The following FGGY variants were observed in gnomAD, a reference collection of about 807,000 sequenced individuals.
FGGY encodes FGGY carbohydrate kinase domain containing, also known as FGGY carbohydrate kinase domain-containing protein.
A neutral mutation model predicts 71.3 loss-of-function variants in FGGY; 72 were observed. The ratio of observed to expected loss-of-function variants is 1.01; its 90% CI spans 0.84 to 1.23. The LOEUF (loss-of-function observed/expected upper bound fraction) is 1.23. Ranked by LOEUF, FGGY falls within the 50% of genes most tolerant of loss-of-function variation. The pLI is 0.00. For synonymous variants in FGGY, 251 were observed against 250.3 expected (o/e 1.00, Z -0.02); for missense variants, 668 against 682.3 (o/e 0.98, Z 0.23).
rs547189453 is a variant in FGGY, at chr1:59,673,431, G to A, written c.1418-608G>A. Among the ~76,000 whole-genome samples the A allele has an allele frequency of 3.9e-5, 6 of 152,284 alleles. No homozygotes were observed. In the East Asian group the frequency reaches 1.2e-3, roughly 29 times the overall value. On this transcript the variant is annotated intron_variant, in intron 13 of 15. Transcript: ENST00000303721. ...GAGGCCAGGACTACGTGGCTGGAAG[G>A]AGAAGAGGAGGATATCAGAGAGGGA... is the stretch of plus-strand genomic sequence containing the variant.
intron 5 of FGGY, among the ~76,000 whole-genome samples, chr1:59,382,145 T>C (rs1408294414): frequency 6.6e-6 from 1 of 152,178 alleles, no homozygotes; most frequent in Non-Finnish European, 1.5e-5. Flanking sequence ...AGGCAGGTAT[T>C]GTATCTTAAA....
In FGGY at chr1:59,358,797, A is replaced by G. The variant is rs573442562; in HGVS notation, c.465+12399A>G. Reference sequence around the variant, plus strand: ...TTTATTGCTATCTACATACATGGCCAACACCTGTACTAGACTTTATTAAAT... The same window carrying G: ...TTTATTGCTATCTACATACATGGCCGACACCTGTACTAGACTTTATTAAAT... On this transcript the variant is annotated intron_variant, in intron 4 of 15. Coordinates refer to ENST00000303721, the MANE Select transcript of FGGY (RefSeq NM_018291.5). Among the ~76,000 whole-genome samples the G allele has an allele frequency of 8.5e-5, 13 of 152,392 alleles. No homozygotes were observed. The South Asian group carries it at 2.7e-3, about 32-fold the overall frequency.
At chr1:59,569,503 G>A (rs558423459) in intron 8 of FGGY, among the ~76,000 whole-genome samples, 3 of 152,284 alleles carry the variant, frequency 2.0e-5, no homozygotes, top group South Asian at 4.1e-4. Context: ...AGAACTGGGT[G>A]CAGTTTTGAG....
intron 10 of FGGY, 59 bp from the exon 11 acceptor site, chr1:59,638,169 G>C: frequency 6.5e-7 from 1 of 1,535,368 alleles, no homozygotes; most frequent in East Asian, 2.3e-5. Context: ...TCTTTCTATA[G>C]AATGATTTGC....
intron 5 of FGGY, among the ~76,000 whole-genome samples, chr1:59,425,607 C>G (rs537206864): frequency 6.6e-6 from 1 of 152,298 alleles, no homozygotes; most frequent in Admixed American, 6.5e-5. Flanking sequence ...TGCCTGTGTT[C>G]CTATAGACAT....
chr1:59,639,506 C>T (rs2096997271), intron 11 of FGGY, among the ~76,000 whole-genome samples: 1 of 152,040 alleles, frequency 6.6e-6, no homozygotes, highest in African/African-American at 2.4e-5. Context: ...AGAATAATGT[C>T]CAGAGAGGGC....
At chr1:59,461,739 C>T (rs2092238208) in intron 6 of FGGY, among the ~76,000 whole-genome samples, 1 of 152,104 alleles carries the variant, frequency 6.6e-6, no homozygotes, top group Non-Finnish European at 1.5e-5. Context: ...CTCTACCAGC[C>T]AGAAGAGAGT....
At chr1:59,414,511 C>T (rs920503571) in intron 5 of FGGY, among the ~76,000 whole-genome samples, 2 of 152,198 alleles carry the variant, frequency 1.3e-5, no homozygotes, top group African/African-American at 4.8e-5. Flanking sequence ...GGAGTTCATC[C>T]AGAACCCTCT....
chr1:59,712,458 G>C (rs900690809), intron 14 of FGGY, among the ~76,000 whole-genome samples: 1 of 152,212 alleles, frequency 6.6e-6, no homozygotes, highest in African/African-American at 2.4e-5. Flanking sequence ...GAGACTCTGT[G>C]TTAAGGCTCT....
intron 7 of FGGY, among the ~76,000 whole-genome samples, chr1:59,521,036 T>TTGG (rs1553260233): frequency 7.7e-6 from 1 of 130,672 alleles, no homozygotes; most frequent in African/African-American, 2.9e-5. Context: ...AAATTGGGGG[T>TTGG]GGGGGGGGAT....
intron 8 of FGGY, among the ~76,000 whole-genome samples, chr1:59,599,192 C>T (rs1294100785): frequency 1.3e-5 from 2 of 152,100 alleles, no homozygotes; most frequent in Non-Finnish European, 2.9e-5. Context: ...TAACCTCCAC[C>T]TCCTGGGTTC....
chr1:59,427,183 A>G (rs1423337149), intron 5 of FGGY, among the ~76,000 whole-genome samples: 3 of 152,198 alleles, frequency 2.0e-5, no homozygotes, highest in Non-Finnish European at 4.4e-5. Context: ...AGCCACAAAG[A>G]CAGCTGGGAA....
Position 59,585,008 on chromosome 1 carries a change from T to G in FGGY, c.904-22795T>G, listed in dbSNP as rs534590729. ...AGGAGAACTACAAACCACTGCTCAA[T>G]GAAATAAAAGAGGATACCAATAAAT... On this transcript the variant is annotated intron_variant, in intron 8 of 15. Coordinates refer to ENST00000303721, the MANE Select transcript of FGGY (RefSeq NM_018291.5). 3.4e-3 allele frequency among the ~76,000 whole-genome samples: 513 copies of G among 152,042 alleles called. 4 individuals are homozygous for G. Among genetic ancestry groups the G allele is most frequent in the African/African-American group, 0.012 (484 of 41,434 alleles).
chr1:59,682,173 A>T (rs2097506982), intron 14 of FGGY, among the ~76,000 whole-genome samples: 1 of 152,208 alleles, frequency 6.6e-6, no homozygotes, highest in Non-Finnish European at 1.5e-5. Context: ...TAAGTGAGTT[A>T]CCAAAGCCAA....
At chr1:59,565,165 A>AT (rs199973970) in intron 8 of FGGY, among the ~76,000 whole-genome samples, 1 of 152,128 alleles carries the variant, frequency 6.6e-6, no homozygotes, top group African/African-American at 2.4e-5. Context: ...GTCTATTTGG[A>AT]TTTTTTTAAC....
At chr1:59,399,582 A>G (rs538045746) in intron 5 of FGGY, among the ~76,000 whole-genome samples, 1 of 152,206 alleles carries the variant, frequency 6.6e-6, no homozygotes, top group Non-Finnish European at 1.5e-5. Context: ...AGGGATGACA[A>G]TAGCTCTTTG....
At chr1:59,515,471 T>C (rs1016528282) in intron 7 of FGGY, among the ~76,000 whole-genome samples, 31 of 152,270 alleles carry the variant, frequency 2.0e-4, no homozygotes, top group African/African-American at 7.5e-4. Context: ...TGGGAGGGCA[T>C]GATTGGTTTT....
chr1:59,382,995 A>G (rs1302518862), intron 5 of FGGY, among the ~76,000 whole-genome samples: 2 of 152,146 alleles, frequency 1.3e-5, no homozygotes, highest in Non-Finnish European at 2.9e-5. Context: ...CACACGGTGG[A>G]CTAACAATAT....
intron 13 of FGGY, among the ~76,000 whole-genome samples, chr1:59,672,347 A>C (rs542679712): frequency 6.6e-6 from 1 of 152,382 alleles, no homozygotes; most frequent in East Asian, 1.9e-4. Context: ...AGGCCAGGAA[A>C]TATGCTAAGC....
Sources: allele counts gnomAD v4.1 joint callset (sites outside exome capture counted in the v4.1 genomes callset), GRCh38; gene constraint gnomAD v4.1.1; transcripts MANE v1.5; gene names NCBI Gene and HGNC (gene_info 2026-07-23, HGNC 2026-07-21).